C10orf90: variants seen among roughly 807,000 people sequenced by gnomAD.
C10orf90 encodes the protein chromosome 10 open reading frame 90.
In C10orf90, 56 loss-of-function variants were observed where a neutral mutation model predicts 62.5. The observed-to-expected ratio is 0.90, with a 90% CI of 0.72 to 1.12. The LOEUF (loss-of-function observed/expected upper bound fraction) is 1.12, where lower values mean the gene tolerates loss of function less well. Among genes scored for constraint, C10orf90 ranks in the 50% most tolerant of loss-of-function variants. The probability of loss-of-function intolerance (pLI) is 0.00; values close to 1 mark genes in which losing one functional copy is unlikely to be tolerated. For synonymous variants in C10orf90, 386 were observed against 340.4 expected, an observed-to-expected ratio of 1.13 and a Z score of -1.47; for missense variants, 970 against 880.4, an observed-to-expected ratio of 1.10 and a Z score of -1.29.
At chr10:126,524,781 C>T (rs1863884241) in intron 2 of C10orf90, 2 of 985,370 alleles carry the variant, frequency 2.0e-6, no homozygotes, top group Admixed American at 6.1e-5. Flanking sequence ...GAGGGCTTGT[C>T]CTACAAGAGC....
intron 7 of C10orf90, among the ~76,000 whole-genome samples, chr10:126,442,963 T>C (rs1262153580): frequency 6.6e-6 from 1 of 151,792 alleles, no homozygotes; most frequent in Non-Finnish European, 1.5e-5. Flanking sequence ...TCAAACTAAA[T>C]TACAATAGTG....
intron 2 of C10orf90, among the ~76,000 whole-genome samples, chr10:126,586,289 G>A (rs1728548623): frequency 1.3e-5 from 2 of 152,330 alleles, no homozygotes; most frequent in African/African-American, 2.4e-5. Context: ...TCTTGAAACC[G>A]GAGCCTTGAG....
intron 1 of C10orf90, among the ~76,000 whole-genome samples, chr10:126,649,071 T>TC (rs1163113188): frequency 0.011 from 467 of 40,758 alleles, 14 homozygotes; most frequent in African/African-American, 0.035. Flanking sequence ...TCTCTCTCTC[T>TC]CCCCCCCCCC....
intron 2 of C10orf90, among the ~76,000 whole-genome samples, chr10:126,590,061 C>G (rs1194916102): frequency 6.6e-6 from 1 of 151,968 alleles, no homozygotes; most frequent in Non-Finnish European, 1.5e-5. Flanking sequence ...TCTGACAAAC[C>G]AGACTTCAAA....
At chr10:126,621,933 A>C (rs1311320850) in intron 2 of C10orf90, among the ~76,000 whole-genome samples, 1 of 151,854 alleles carries the variant, frequency 6.6e-6, no homozygotes, top group Non-Finnish European at 1.5e-5. Flanking sequence ...GCTGTTCCCC[A>C]CCATTTCTAC....
chr10:126,550,792 G>A (rs1864614399), intron 2 of C10orf90, among the ~76,000 whole-genome samples: 1 of 152,196 alleles, frequency 6.6e-6, no homozygotes, highest in Non-Finnish European at 1.5e-5. Flanking sequence ...TTACAGGCAT[G>A]AGTCACCGTG....
chr10:126,584,885 A>T (rs554757152), intron 2 of C10orf90, among the ~76,000 whole-genome samples: 2 of 152,130 alleles, frequency 1.3e-5, no homozygotes, highest in South Asian at 4.2e-4. Flanking sequence ...GATGTGTTTG[A>T]CAAGCCCTCT....
intron 7 of C10orf90, among the ~76,000 whole-genome samples, chr10:126,448,564 A>C (rs572558675): frequency 2.0e-4 from 30 of 152,262 alleles, no homozygotes; most frequent in Admixed American, 1.8e-3. Context: ...TAAATGAAAG[A>C]GAGACTAGAC....
In C10orf90 at chr10:126,505,039, A is replaced by T. The variant is rs777185119; in HGVS notation, c.452T>A (p.Ile151Asn). 1.2e-6 allele frequency: 2 copies of T among 1,611,726 alleles called. No homozygotes were observed. Among genetic ancestry groups the T allele is most frequent in the Admixed American group, 3.4e-5 (2 of 59,434 alleles). Reference protein sequence around the residue: ...QNTKMISSIVISQMIDENKSR... With the variant: ...QNTKMISSIVNSQMIDENKSR... ...CTTATTCTCATCAATCATCTGGGAGATGACTATGGATGAAATCATTTTTGT... is the reference window on the plus strand; with the variant it reads ...CTTATTCTCATCAATCATCTGGGAGTTGACTATGGATGAAATCATTTTTGT... Residue 151 changes from isoleucine to asparagine, a missense_variant, in exon 4 of 10, where the codon ATC becomes AAC. Ile to Asn is a moderately radical substitution (Grantham distance 149). Transcript: ENST00000488181.
intron 4 of C10orf90, chr10:126,502,642 C>A: frequency 3.1e-6 from 1 of 327,440 alleles, no homozygotes. Context: ...TATTATTTCA[C>A]ACCATGACAC....
intron 2 of C10orf90, among the ~76,000 whole-genome samples, chr10:126,590,869 C>T (rs892223772): frequency 2.6e-5 from 4 of 152,152 alleles, no homozygotes; most frequent in Admixed American, 2.6e-4. Context: ...AATATCACCA[C>T]TGACCCCACA....
chr10:126,560,711 A>G (rs1308391704), intron 2 of C10orf90, among the ~76,000 whole-genome samples: 2 of 152,164 alleles, frequency 1.3e-5, no homozygotes, highest in South Asian at 2.1e-4. Flanking sequence ...AGTCAATATC[A>G]TAGGCTTTGC....
intron 4 of C10orf90, among the ~76,000 whole-genome samples, chr10:126,476,025 G>C (rs17154835): frequency 0.16 from 24,212 of 152,082 alleles, 2,014 homozygotes; most frequent in Middle Eastern, 0.22. Context: ...TGCCTCTCCC[G>C]GTCAGGTCAG....
At chr10:126,569,046 G>A (rs1040128016) in intron 2 of C10orf90, among the ~76,000 whole-genome samples, 1 of 152,132 alleles carries the variant, frequency 6.6e-6, no homozygotes. Flanking sequence ...GGGGCAGGGT[G>A]CAGGGTGACG....
At chr10:126,589,890 T>G (rs1244554592) in intron 2 of C10orf90, among the ~76,000 whole-genome samples, 1 of 152,128 alleles carries the variant, frequency 6.6e-6, no homozygotes, top group Non-Finnish European at 1.5e-5. Context: ...AATGCTCCAA[T>G]TAAGACACAG....
intron 2 of C10orf90, among the ~76,000 whole-genome samples, chr10:126,631,965 G>A (rs548367911): frequency 2.0e-5 from 3 of 152,190 alleles, no homozygotes; most frequent in Non-Finnish European, 2.9e-5. Context: ...GTGTGTAGCC[G>A]CAGATGCCCC....
intron 4 of C10orf90, among the ~76,000 whole-genome samples, chr10:126,503,105 G>C (rs1253320608): frequency 1.3e-5 from 2 of 152,038 alleles, no homozygotes; most frequent in Non-Finnish European, 2.9e-5. Flanking sequence ...TTTCCAAATA[G>C]AAAGTAATTC....
At chr10:126,662,454 G>A (rs530066640) in intron 1 of C10orf90, among the ~76,000 whole-genome samples, 2 of 152,174 alleles carry the variant, frequency 1.3e-5, no homozygotes, top group African/African-American at 2.4e-5. Context: ...CCAGACTTAA[G>A]AGGGCCTGAA....
chr10:126,502,103 C>CCACA (rs59839146), intron 4 of C10orf90, among the ~76,000 whole-genome samples: 45 of 138,692 alleles, frequency 3.2e-4, no homozygotes, highest in African/African-American at 1.2e-3. Context: ...CACACACACA[C>CCACA]CACACACACA....
Sources: allele counts gnomAD v4.1 joint callset (sites outside exome capture counted in the v4.1 genomes callset), GRCh38; gene constraint gnomAD v4.1.1; transcripts MANE v1.5; gene names NCBI Gene and HGNC (gene_info 2026-07-23, HGNC 2026-07-21).